EPHA6: variants seen among roughly 807,000 people sequenced by gnomAD.
EPHA6 encodes the protein ephrin type-A receptor 6.
EPHA6 carries 50 observed loss-of-function variants against 112.0 expected under a neutral mutation model. The observed-to-expected ratio is 0.45, with a 90% confidence interval of 0.36 to 0.56. The LOEUF (loss-of-function observed/expected upper bound fraction) is 0.56. Among genes scored for constraint, EPHA6 ranks in the 20% least tolerant of loss-of-function variants. The pLI, the probability that EPHA6 is intolerant of heterozygous loss-of-function variation, is 0.00. For missense variants in EPHA6, 1,280 were observed against 1,417.4 expected, an observed-to-expected ratio of 0.90 and a Z score of 1.56; for synonymous variants, 529 against 490.7, an observed-to-expected ratio of 1.08 and a Z score of -1.03.
chr3:97,281,189 T>C (rs2080271652), intron 5 of EPHA6, among the ~76,000 whole-genome samples: 1 of 132,490 alleles, frequency 7.5e-6, no homozygotes, highest in Non-Finnish European at 1.6e-5. Context: ...CAATCATTAA[T>C]TCAAAGAGTC....
At position 96,892,169 on chromosome 3, in the gene EPHA6, C is replaced by T. The variant is rs562945803; in HGVS notation, c.450+25280C>T. Among the ~76,000 whole-genome samples the T allele has an allele frequency of 2.6e-5, 4 of 152,292 alleles. No individual in the cohort carries two copies. In the South Asian group the frequency reaches 8.3e-4, roughly 32 times the overall value. ...ACCACATCATAGGAGGCAGAGAATACACACACACCTCTCTGTGCTTGGGCC... is the reference window on the plus strand; with the variant it reads ...ACCACATCATAGGAGGCAGAGAATATACACACACCTCTCTGTGCTTGGGCC... On this transcript the variant is annotated intron_variant, in intron 2 of 17. Transcript: ENST00000389672.
At chr3:97,592,110 T>G (rs2093550658) in intron 11 of EPHA6, among the ~76,000 whole-genome samples, 1 of 152,240 alleles carries the variant, frequency 6.6e-6, no homozygotes, top group African/African-American at 2.4e-5. Context: ...TACATCAATT[T>G]TCTTGTCCCT....
intron 14 of EPHA6, among the ~76,000 whole-genome samples, chr3:97,717,776 T>C (rs2034316198): frequency 3.9e-5 from 6 of 152,194 alleles, no homozygotes; most frequent in Admixed American, 3.9e-4. Context: ...CTGTAATACC[T>C]TCCCCTTACA....
chr3:97,337,897 A>G (rs2083133412), intron 5 of EPHA6, among the ~76,000 whole-genome samples: 1 of 152,178 alleles, frequency 6.6e-6, no homozygotes, highest in South Asian at 2.1e-4. Flanking sequence ...CAGTGGGTGG[A>G]GGATGTAGCA....
intron 3 of EPHA6, among the ~76,000 whole-genome samples, chr3:97,193,259 TCC>T (rs1010375336): frequency 6.6e-6 from 1 of 152,156 alleles, no homozygotes; most frequent in Non-Finnish European, 1.5e-5. Flanking sequence ...TATTTATTCT[TCC>T]AACCTATGAA....
chr3:97,327,693 TTA>T (rs2082504898), intron 5 of EPHA6, among the ~76,000 whole-genome samples: 2 of 151,822 alleles, frequency 1.3e-5, no homozygotes, highest in South Asian at 4.1e-4. Context: ...CTTTATCATG[TTA>T]AAGATATGAG....
intron 7 of EPHA6, among the ~76,000 whole-genome samples, chr3:97,455,980 C>G (rs1236165720): frequency 6.6e-6 from 1 of 151,866 alleles, no homozygotes; most frequent in Non-Finnish European, 1.5e-5. Context: ...AAGATCATAA[C>G]TTTGCTAAAT....
At chr3:97,102,716 T>C (rs991288916) in intron 3 of EPHA6, among the ~76,000 whole-genome samples, 4 of 152,048 alleles carry the variant, frequency 2.6e-5, no homozygotes, top group African/African-American at 9.7e-5. Context: ...TCCTCAATAG[T>C]TGAACTAATT....
intron 12 of EPHA6, among the ~76,000 whole-genome samples, chr3:97,600,778 C>A (rs2093636975): frequency 6.6e-6 from 1 of 151,516 alleles, no homozygotes; most frequent in South Asian, 2.1e-4. Flanking sequence ...AAGTGAGCAT[C>A]ATCTTTATGT....
At chr3:97,519,588 T>C (rs2107614732) in intron 10 of EPHA6, among the ~76,000 whole-genome samples, 1 of 152,332 alleles carries the variant, frequency 6.6e-6, no homozygotes, top group South Asian at 2.1e-4. Flanking sequence ...ATTTTAACAA[T>C]ATTAGTCATT....
chr3:97,549,912 A>G (rs2093007007), intron 11 of EPHA6, among the ~76,000 whole-genome samples: 2 of 152,240 alleles, frequency 1.3e-5, no homozygotes. Flanking sequence ...TAAAAATTCA[A>G]TAATCATTAT....
In EPHA6 at chr3:97,216,644, A is replaced by T. The variant is rs530998388; in HGVS notation, c.1115-9620A>T. Among the ~76,000 whole-genome samples, 13 of 152,292 alleles carry T rather than the reference A, an allele frequency of 8.5e-5. No homozygotes were observed. The East Asian group carries it at 2.5e-3, about 29-fold the overall frequency. ...TAGGCCTATGTTCCTACCTATAGTA[A>T]GTACTGCCAAACAGTTCTCTAAAGT... On this transcript the variant is annotated intron_variant, in intron 3 of 17. Coordinates refer to ENST00000389672, the MANE Select transcript of EPHA6 (RefSeq NM_001080448.3).
intron 5 of EPHA6, among the ~76,000 whole-genome samples, chr3:97,399,627 C>T (rs151226874): frequency 6.6e-6 from 1 of 151,546 alleles, no homozygotes; most frequent in East Asian, 1.9e-4. Context: ...AATAGCTATC[C>T]AAATGGAGTG....
rs146177244 is a variant in EPHA6, at chr3:97,391,164, T to C, written c.1607-13986T>C. Among the ~76,000 whole-genome samples the C allele has an allele frequency of 2.5e-3, 380 of 152,124 alleles. 3 individuals are homozygous for C. The highest frequency in any genetic ancestry group is 8.3e-3 in the African/African-American group (343 of 41,546). ...TTACATTAATTCTACTTTCATAAAA[T>C]GGTGGTCATATGCATGGAGTACATA... On this transcript the variant is annotated intron_variant, in intron 5 of 17. Transcript: ENST00000389672.
intron 11 of EPHA6, chr3:97,559,810 A>T: frequency 3.2e-6 from 1 of 317,244 alleles, no homozygotes; most frequent in Non-Finnish European, 6.1e-6. Flanking sequence ...CAGCTATCTC[A>T]TTAAGGGATG....
At chr3:97,250,047 G>A (rs1193844834) in intron 5 of EPHA6, among the ~76,000 whole-genome samples, 1 of 152,116 alleles carries the variant, frequency 6.6e-6, no homozygotes, top group Non-Finnish European at 1.5e-5. Flanking sequence ...TCTATAACTT[G>A]ACACTTGAGC....
chr3:97,229,699 T>C (rs1559813868), intron 4 of EPHA6, among the ~76,000 whole-genome samples: 1 of 152,164 alleles, frequency 6.6e-6, no homozygotes, highest in African/African-American at 2.4e-5. Flanking sequence ...CTAATGCAGT[T>C]CATAGATTTG....
At chr3:97,430,206 A>G (rs1001298584) in intron 6 of EPHA6, among the ~76,000 whole-genome samples, 4 of 152,182 alleles carry the variant, frequency 2.6e-5, no homozygotes, top group Non-Finnish European at 5.9e-5. Flanking sequence ...TGCCTCATGA[A>G]TAACTTATAA....
chr3:97,660,788 G>T (rs2094164948), intron 14 of EPHA6, among the ~76,000 whole-genome samples: 1 of 151,976 alleles, frequency 6.6e-6, no homozygotes, highest in African/African-American at 2.4e-5. Context: ...AAAATAAAAT[G>T]AAATAACATT....
Sources: allele counts gnomAD v4.1 joint callset (sites outside exome capture counted in the v4.1 genomes callset), GRCh38; gene constraint gnomAD v4.1.1; transcripts MANE v1.5; gene names NCBI Gene and HGNC (gene_info 2026-07-23, HGNC 2026-07-21).